The following RETREG1 variants were observed in gnomAD, a reference collection of about 807,000 sequenced individuals.
RETREG1 encodes the protein reticulophagy regulator 1, also known as family with sequence similarity 134 member B.
Under a neutral mutation model 54.8 loss-of-function variants are expected in RETREG1, and 44 were observed. The ratio of observed to expected loss-of-function variants is 0.80; its 90% CI spans 0.63 to 1.03. RETREG1 has a LOEUF of 1.03. RETREG1 is among the 50% of genes least tolerant of loss of function. The pLI is 0.00. For synonymous variants in RETREG1, 217 were observed against 238.5 expected (o/e 0.91, Z 0.83); for missense variants, 554 against 605.1 (o/e 0.92, Z 0.89).
chr5:16,536,110 C>T (rs1339587152), intron 3 of RETREG1, among the ~76,000 whole-genome samples: 1 of 152,212 alleles, frequency 6.6e-6, no homozygotes, highest in Admixed American at 6.5e-5. Flanking sequence ...ACAGAGAAAG[C>T]AAGAGTCTGA....
chr5:16,567,307 G>A (rs371579088), intron 2 of RETREG1, among the ~76,000 whole-genome samples: 16 of 152,166 alleles, frequency 1.1e-4, no homozygotes, highest in African/African-American at 3.1e-4. Context: ...GAACTAACTC[G>A]CAGACTCTGC....
chr5:16,616,685 A>C lies in RETREG1; in HGVS notation c.287T>G (p.Leu96Arg). The C allele has an allele frequency of 6.3e-7, 1 of 1,596,510 alleles. No individual in the cohort carries two copies. The highest frequency in any genetic ancestry group is 8.5e-7 in the Non-Finnish European group (1 of 1,177,596). ...LLSWKRPLRS[L>R]LGFVAANLLF... ...CAGGTTGGCAGCGACGAAGCCGAGC[A>C]GGCTCCGCAGCGGCCTCTTCCAGCT... Residue 96 changes from leucine to arginine, a missense_variant, in exon 1 of 9, where the codon CTG (leucine) becomes CGG (arginine). Coordinates refer to ENST00000306320, the MANE Select transcript of RETREG1 (RefSeq NM_001034850.3).
At chr5:16,486,854 C>T (rs184250430) in intron 3 of RETREG1, among the ~76,000 whole-genome samples, 2 of 152,246 alleles carry the variant, frequency 1.3e-5, no homozygotes, top group East Asian at 3.9e-4. Context: ...TCCAAATACT[C>T]AGCAGAAACC....
intron 1 of RETREG1, among the ~76,000 whole-genome samples, chr5:16,572,759 A>G (rs1369202217): frequency 6.6e-6 from 1 of 152,140 alleles, no homozygotes; most frequent in Non-Finnish European, 1.5e-5. Context: ...TGGGCTGCAG[A>G]GCCAAGCTGC....
chr5:16,596,568 T>G (rs566657605), intron 1 of RETREG1, among the ~76,000 whole-genome samples: 1 of 152,352 alleles, frequency 6.6e-6, no homozygotes, highest in African/African-American at 2.4e-5. Context: ...TTTTGAAAGT[T>G]GTCCTGCTGA....
At chr5:16,546,148 C>T (rs954377059) in intron 3 of RETREG1, among the ~76,000 whole-genome samples, 1 of 152,172 alleles carries the variant, frequency 6.6e-6, no homozygotes, top group Non-Finnish European at 1.5e-5. Context: ...TGTTTTTCCA[C>T]TGCACAAATC....
chr5:16,549,751 G>A (rs1741481569), intron 3 of RETREG1, among the ~76,000 whole-genome samples: 2 of 152,158 alleles, frequency 1.3e-5, no homozygotes, highest in Admixed American at 1.3e-4. Context: ...AATAAGCTAT[G>A]GAATTCAGTT....
At chr5:16,483,592 T>A (rs1231179428) in intron 3 of RETREG1, 120 bp from the exon 4 acceptor site, 1 of 1,046,838 alleles carries the variant, frequency 9.6e-7, no homozygotes, top group African/African-American at 1.6e-5. Flanking sequence ...AAAAGCCCTG[T>A]GAATTCAGAA....
intron 3 of RETREG1, among the ~76,000 whole-genome samples, chr5:16,538,465 A>G (rs998387046): frequency 1.3e-5 from 2 of 152,190 alleles, no homozygotes; most frequent in African/African-American, 2.4e-5. Context: ...GACTGCATTA[A>G]ATGCTACACA....
At chr5:16,482,781 T>A (rs1579586903) in intron 4 of RETREG1, among the ~76,000 whole-genome samples, 1 of 152,136 alleles carries the variant, frequency 6.6e-6, no homozygotes, top group Admixed American at 6.6e-5. Flanking sequence ...TGTGCAGCAC[T>A]CCATGTAATC....
Position 16,527,126 on chromosome 5 carries a change from A to G in RETREG1, c.458+38637T>C, listed in dbSNP as rs566197826. On this transcript the variant is annotated intron_variant, in intron 3 of 8. Transcript: ENST00000306320. ...TCCCCCGCCAGGTGATGATTCCAAG[A>G]GCATCCCCTGTTAAATTTGTCGACC... 5.3e-5 allele frequency among the ~76,000 whole-genome samples: 8 copies of G among 152,296 alleles called. No homozygotes were observed. In the South Asian group the frequency reaches 1.4e-3, roughly 28 times the overall value.
chr5:16,479,788 G>A (rs1277298836), intron 5 of RETREG1, among the ~76,000 whole-genome samples: 1 of 151,998 alleles, frequency 6.6e-6, no homozygotes, highest in East Asian at 1.9e-4. Context: ...TAAAATAAGA[G>A]CTACAAACTC....
intron 3 of RETREG1, among the ~76,000 whole-genome samples, chr5:16,562,636 T>A (rs1164007021): frequency 1.3e-5 from 2 of 152,102 alleles, no homozygotes; most frequent in East Asian, 3.9e-4. Context: ...ATGATGAAAA[T>A]GACATTTTAC....
In RETREG1 at chr5:16,616,792, G is replaced by T. The variant is rs1012745104; in HGVS notation, c.180C>A (p.Ala60=). Residue 60 remains alanine (A), a synonymous_variant, in exon 1 of 9, where the codon GCC becomes GCA. Coordinates refer to ENST00000306320, the MANE Select transcript of RETREG1 (RefSeq NM_001034850.3). ...TTACCGCGGCCGCCGCCCGGCCCGC[G>T]GCCTCCTCCACCTGCAACCCCGCGC... ...AEGAGLQVEE[A]AGRAAAAVTW... The T allele has an allele frequency of 5.2e-6, 8 of 1,528,800 alleles. No individual in the cohort carries two copies. The highest frequency in any genetic ancestry group is 7.0e-6 in the Non-Finnish European group (8 of 1,144,414). The allele number at this position is 1,528,800 out of a possible 1,614,324, so 94.7% of individuals were successfully genotyped here.
chr5:16,502,762 G>A (rs569399368), intron 3 of RETREG1, among the ~76,000 whole-genome samples: 4 of 152,300 alleles, frequency 2.6e-5, no homozygotes, highest in African/African-American at 4.8e-5. Flanking sequence ...TTAAAGAGAC[G>A]TTGTTTTTAA....
At chr5:16,505,556 A>G (rs1739918661) in intron 3 of RETREG1, among the ~76,000 whole-genome samples, 1 of 152,198 alleles carries the variant, frequency 6.6e-6, no homozygotes, top group African/African-American at 2.4e-5. Flanking sequence ...TGTGAACACA[A>G]TTATCCGGAA....
chr5:16,595,932 A>G (rs1362652287), intron 1 of RETREG1, among the ~76,000 whole-genome samples: 1 of 152,208 alleles, frequency 6.6e-6, no homozygotes, highest in African/African-American at 2.4e-5. Flanking sequence ...CCTGCAAAAT[A>G]TAATTAGTGA....
Position 16,562,641 on chromosome 5 carries a change from T to C in RETREG1, c.458+3122A>G, listed in dbSNP as rs111439523. On this transcript the variant is annotated intron_variant, in intron 3 of 8. Transcript: ENST00000306320. ...CCTTGATAGGATGATGAAAATGACA[T>C]TTTACCTCTGAAATTTTTCTCCCAA... Among the ~76,000 whole-genome samples, 1,032 of 152,274 alleles carry C rather than the reference T, an allele frequency of 6.8e-3. 7 individuals carry two copies. The highest frequency in any genetic ancestry group is 0.024 in the African/African-American group (986 of 41,546).
rs575343633 is a variant in RETREG1, at chr5:16,481,439, C to T, written c.586-346G>A. 6.6e-5 allele frequency among the ~76,000 whole-genome samples: 10 copies of T among 152,156 alleles called. No homozygotes were observed. In the East Asian group the frequency reaches 1.9e-3, roughly 29 times the overall value. ...ATGTTCCCAGAAACTTCTTTTACTT[C>T]GCTCATTTAAGGAAATTAATGCGGC... On this transcript the variant is annotated intron_variant, in intron 4 of 8. Coordinates refer to ENST00000306320, the MANE Select transcript of RETREG1 (RefSeq NM_001034850.3).
Sources: gnomAD v4.1 joint callset for allele counts (sites outside exome capture counted in the v4.1 genomes callset) on GRCh38, gnomAD v4.1.1 for gene constraint, MANE v1.5 for transcripts, NCBI Gene and HGNC (gene_info 2026-07-23, HGNC 2026-07-21) for gene names.